The following VANGL1 variants were observed in gnomAD, a reference collection of about 807,000 sequenced individuals.
VANGL1 encodes the protein vang-like protein 1.
Under a neutral mutation model 48.4 loss-of-function variants are expected in VANGL1, and 18 were observed. That is an observed-to-expected ratio of 0.37 (90% CI 0.26 to 0.55). The LOEUF is 0.55. Ranked by LOEUF, VANGL1 falls within the 20% of genes least tolerant of loss-of-function variation. The pLI, the probability that VANGL1 is intolerant of heterozygous loss-of-function variation, is 0.81. For missense variants in VANGL1, 667 were observed against 675.8 expected, an observed-to-expected ratio of 0.99 and a Z score of 0.14; for synonymous variants, 257 against 261.8, an observed-to-expected ratio of 0.98 and a Z score of 0.18.
In VANGL1 at chr1:115,685,280, C is replaced by A; in HGVS notation, c.1080-13C>A. 1 of 1,613,590 alleles carries A rather than the reference C, an allele frequency of 6.2e-7. No individual in the cohort carries two copies. The highest frequency in any genetic ancestry group is 8.5e-7 in the Non-Finnish European group (1 of 1,179,594). ...GCACCATCCTGATTACTTAGTGTTG[C>A]ATCACCTTCTAGGCTGGTGGTTGCA... is the stretch of plus-strand genomic sequence containing the variant. On this transcript the variant is annotated splice_polypyrimidine_tract_variant and intron_variant, in intron 6 of 7. Transcript: ENST00000355485.
intron 1 of VANGL1, among the ~76,000 whole-genome samples, chr1:115,643,460 T>C (rs1277027912): frequency 6.6e-6 from 1 of 152,194 alleles, no homozygotes; most frequent in Non-Finnish European, 1.5e-5. Flanking sequence ...GGCTTTGATT[T>C]GTGGGAGGAA....
At position 115,693,829 on chromosome 1, in the gene VANGL1, A is replaced by T. The variant is rs551292884; in HGVS notation, c.*2450A>T. 3 of 152,354 alleles carry T rather than the reference A, an allele frequency of 2.0e-5. No homozygotes were observed. In the South Asian group the frequency reaches 6.2e-4, roughly 32 times the overall value. 9.4% of individuals were successfully genotyped at this position (152,354 alleles called of 1,614,324 possible). ...AATGCATTTTTATTTCAATTCTTGG[A>T]ACTGGTAGGCTATTCTTTTTAAAAG... is the stretch of plus-strand genomic sequence containing the variant. On this transcript the variant is annotated 3_prime_UTR_variant, in exon 8 of 8. Transcript: ENST00000355485.
At chr1:115,658,377 G>C (rs1354992056) in intron 2 of VANGL1, among the ~76,000 whole-genome samples, 4 of 152,182 alleles carry the variant, frequency 2.6e-5, no homozygotes, top group African/African-American at 9.7e-5. Context: ...ACCATTCTTT[G>C]ACACTGGCTA....
At chr1:115,687,705 CTG>C (rs56094677) in intron 7 of VANGL1, among the ~76,000 whole-genome samples, 7,434 of 112,782 alleles carry the variant, frequency 0.066, 1,181 homozygotes, top group Middle Eastern at 0.13. Flanking sequence ...CTCTCTTTCT[CTG>C]TGTGTGTGTG....
At chr1:115,681,798 C>T (rs541531942) in intron 4 of VANGL1, among the ~76,000 whole-genome samples, 66 of 152,270 alleles carry the variant, frequency 4.3e-4, no homozygotes, top group African/African-American at 1.4e-3. Flanking sequence ...TGAGCCACCG[C>T]GCGTGGCCAA....
intron 4 of VANGL1, among the ~76,000 whole-genome samples, chr1:115,665,612 C>T (rs1023403432): frequency 6.6e-5 from 10 of 152,276 alleles, no homozygotes; most frequent in East Asian, 3.9e-4. Flanking sequence ...GCTACGAGAA[C>T]GGGATGATCT....
At position 115,644,305 on chromosome 1, in the gene VANGL1, A is replaced by G. The variant is rs192866553; in HGVS notation, c.-138+2219A>G. The stretch of plus-strand genomic sequence containing the variant: ...TGTTATGCGGATTAAGTGAGATATT[A>G]CATGTAAGTGACTTAAAACAGCATC... On this transcript the variant is annotated intron_variant, in intron 1 of 7. Transcript: ENST00000355485. Among the ~76,000 whole-genome samples the G allele has an allele frequency of 1.2e-3, 190 of 152,364 alleles. No individual in the cohort carries two copies. The Middle Eastern group carries it at 0.017, about 14-fold the overall frequency.
rs1654007472 is a variant in VANGL1, at chr1:115,695,709, G to A, written c.*4330G>A. On this transcript the variant is annotated 3_prime_UTR_variant, in exon 8 of 8. Coordinates refer to ENST00000355485, the MANE Select transcript of VANGL1 (RefSeq NM_138959.3). ...TTATCCCCACATTCTTTCAAGATAG[G>A]AGTCATCTTGGTTTTTCGGGTGAAA... 1 of 152,174 alleles carries A rather than the reference G, an allele frequency of 6.6e-6. No individual in the cohort carries two copies. Among genetic ancestry groups the A allele is most frequent in the South Asian group, 2.1e-4 (1 of 4,830 alleles). 9.4% of individuals were successfully genotyped at this position (152,174 alleles called of 1,614,324 possible).
At chr1:115,656,533 G>GT (rs1040628282) in intron 2 of VANGL1, among the ~76,000 whole-genome samples, 1 of 152,214 alleles carries the variant, frequency 6.6e-6, no homozygotes, top group African/African-American at 2.4e-5. Context: ...TTTCTGTGCA[G>GT]TTTTTTAAGT....
chr1:115,681,642 G>A (rs1484163749), intron 4 of VANGL1, among the ~76,000 whole-genome samples: 1 of 151,970 alleles, frequency 6.6e-6, no homozygotes, highest in Non-Finnish European at 1.5e-5. Context: ...GAGTAGCTGG[G>A]ATTACAGGTG....
At chr1:115,666,873 A>G (rs1652811381) in intron 4 of VANGL1, among the ~76,000 whole-genome samples, 2 of 152,174 alleles carry the variant, frequency 1.3e-5, no homozygotes, top group South Asian at 2.1e-4. Context: ...CCAGAGCTGG[A>G]GCAGGCTTGG....
intron 5 of VANGL1, 142 bp downstream of exon 5, chr1:115,682,639 T>A: frequency 7.6e-6 from 10 of 1,307,266 alleles, no homozygotes; most frequent in Non-Finnish European, 1.1e-5. Context: ...TTCTCTTTTT[T>A]ATGTAGGCAG....
intron 1 of VANGL1, among the ~76,000 whole-genome samples, chr1:115,645,148 C>T (rs1651868920): frequency 6.6e-6 from 1 of 152,198 alleles, no homozygotes; most frequent in African/African-American, 2.4e-5. Context: ...ACACGGTTTC[C>T]TCTGGTCTCT....
At chr1:115,653,282 C>T (rs1044550129) in intron 2 of VANGL1, among the ~76,000 whole-genome samples, 9 of 152,160 alleles carry the variant, frequency 5.9e-5, no homozygotes, top group Non-Finnish European at 1.0e-4. Flanking sequence ...TGCTGCTGGA[C>T]GGGGCCTGTG....
chr1:115,666,392 G>A (rs940475801), intron 4 of VANGL1, among the ~76,000 whole-genome samples: 3 of 152,180 alleles, frequency 2.0e-5, no homozygotes, highest in Non-Finnish European at 4.4e-5. Flanking sequence ...AACAGCCCGA[G>A]GAAAGTATGC....
rs1239218355 is a variant in VANGL1 at position 115,663,641 on chromosome 1, C to A, written c.205-20C>A. On this transcript the variant is annotated intron_variant, in intron 3 of 7. Transcript: ENST00000355485. ...CAAATGACCTGTGTCATGTCATCCT[C>A]ACTGTCTTCTCCCCACCAGGATGAC... 1.2e-6 allele frequency: 2 copies of A among 1,614,102 alleles called. No homozygotes were observed. Among genetic ancestry groups the A allele is most frequent in the Non-Finnish European group, 1.7e-6 (2 of 1,180,034 alleles).
At chr1:115,674,366 A>G (rs906986697) in intron 4 of VANGL1, among the ~76,000 whole-genome samples, 14 of 152,162 alleles carry the variant, frequency 9.2e-5, no homozygotes, top group African/African-American at 3.4e-4. Context: ...TGAAGGTTTC[A>G]TTTACATCCG....
chr1:115,670,720 G>A (rs921200065), intron 4 of VANGL1, among the ~76,000 whole-genome samples: 3 of 152,112 alleles, frequency 2.0e-5, no homozygotes, highest in Non-Finnish European at 4.4e-5. Context: ...GACCATCAGT[G>A]GTTTTGGCTC....
rs552563488 is a variant in VANGL1 at position 115,657,552 on chromosome 1, TGTGAGGTAATTGGCA to T, written c.72-2088_72-2074del. ...AAGTGTTCTATAAATTGGGGTAGGA[TGTGAGGTAATTGGCA>T]TTGTTAGATGCGTCTCTGGGTAAAC... On this transcript the variant is annotated intron_variant, in intron 2 of 7. Transcript: ENST00000355485. Among the ~76,000 whole-genome samples the T allele has an allele frequency of 7.1e-3, 1,082 of 152,340 alleles. 10 individuals are homozygous for T. Among genetic ancestry groups the T allele is most frequent in the African/African-American group, 0.024 (1,014 of 41,568 alleles).
Sources: allele counts gnomAD v4.1 joint callset (sites outside exome capture counted in the v4.1 genomes callset), GRCh38; gene constraint gnomAD v4.1.1; transcripts MANE v1.5; gene names NCBI Gene and HGNC (gene_info 2026-07-23, HGNC 2026-07-21).